CEP63: variants seen among roughly 807,000 people sequenced by gnomAD.
CEP63 encodes the protein centrosomal protein of 63 kDa.
A neutral mutation model predicts 89.1 loss-of-function variants in CEP63; 84 were observed. The ratio of observed to expected loss-of-function variants is 0.94; its 90% CI spans 0.79 to 1.13. The LOEUF (loss-of-function observed/expected upper bound fraction) is 1.13. Among genes scored for constraint, CEP63 ranks in the 50% most tolerant of loss-of-function variants. CEP63 has a pLI of 0.00. For synonymous variants in CEP63, 267 were observed against 272.5 expected (o/e 0.98, Z 0.20); for missense variants, 838 against 813.3 (o/e 1.03, Z -0.37).
At chr3:134,727,543 C>T in the CEP63 span, among the ~76,000 whole-genome samples, 1 of 152,090 alleles carries the variant, frequency 6.6e-6, no homozygotes, top group African/African-American at 2.4e-5. Context: ...AGGATAAAGG[C>T]CACATTTTGT....
Position 134,500,178 on chromosome 3 carries a change from A to C in CEP63, c.44+4814A>C, listed in dbSNP as rs541100006. ...TACTCAATGTTTAGCTTCCACTTGCAAATGAAAACATGCAGTATTTGGTTC... is the reference window on the plus strand; with the variant it reads ...TACTCAATGTTTAGCTTCCACTTGCCAATGAAAACATGCAGTATTTGGTTC... On this transcript the variant is annotated intron_variant, in intron 2 of 14. Transcript: ENST00000675561. Among the ~76,000 whole-genome samples the C allele has an allele frequency of 3.3e-5, 5 of 152,306 alleles. No individual in the cohort carries two copies. The East Asian group carries it at 9.6e-4, about 29-fold the overall frequency.
the CEP63 span, among the ~76,000 whole-genome samples, chr3:134,689,445 A>ATT: frequency 9.8e-6 from 1 of 102,082 alleles, no homozygotes; most frequent in Admixed American, 9.8e-5. Context: ...GACCTTATTT[A>ATT]TTATTATTAT....
the CEP63 span, among the ~76,000 whole-genome samples, chr3:134,776,629 A>G: frequency 6.6e-6 from 1 of 152,158 alleles, no homozygotes; most frequent in Admixed American, 6.5e-5. Flanking sequence ...TGAAGCCAGG[A>G]GTACACGCTC....
chr3:134,516,627 T>A (rs1326122871), intron 3 of CEP63, among the ~76,000 whole-genome samples: 1 of 152,134 alleles, frequency 6.6e-6, no homozygotes. Context: ...TACTTGAGAT[T>A]AGGGAGTGGT....
chr3:134,528,569 C>CGTGTGT (rs34415967), intron 3 of CEP63, among the ~76,000 whole-genome samples: 29,473 of 146,946 alleles, frequency 0.2, 3,230 homozygotes, highest in African/African-American at 0.29. Flanking sequence ...TGTGTGTGTG[C>CGTGTGT]GTGTGTGTGT....
chr3:134,558,927 CT>C (rs1168078066), intron 13 of CEP63, among the ~76,000 whole-genome samples: 8 of 152,128 alleles, frequency 5.3e-5, no homozygotes, highest in Non-Finnish European at 1.2e-4. Context: ...GTTTGTCTTT[CT>C]TGCTATACCA....
chr3:134,738,555 G>A, the CEP63 span, among the ~76,000 whole-genome samples: 1 of 152,222 alleles, frequency 6.6e-6, no homozygotes, highest in Non-Finnish European at 1.5e-5. Flanking sequence ...ACTGATATGT[G>A]GGAGTTAAGC....
chr3:134,649,520 T>C, the CEP63 span, among the ~76,000 whole-genome samples: 1 of 152,338 alleles, frequency 6.6e-6, no homozygotes, highest in African/African-American at 2.4e-5. Flanking sequence ...AAGAAGTTGA[T>C]GCCCTCTGTT....
chr3:134,610,310 A>G, the CEP63 span: 4 of 1,613,666 alleles, frequency 2.5e-6, no homozygotes, highest in African/African-American at 5.3e-5. Context: ...AACTCCCCCG[A>G]GAAGCTCTGC....
chr3:134,489,000 G>GC (rs1936697008), intron 1 of CEP63, among the ~76,000 whole-genome samples: 1 of 151,598 alleles, frequency 6.6e-6, no homozygotes, highest in Non-Finnish European at 1.5e-5. Context: ...TACTAAAAAT[G>GC]AAAAATTAGC....
chr3:134,548,870 T>G (rs976139619), intron 9 of CEP63, among the ~76,000 whole-genome samples, 192 bp from the exon 10 acceptor site: 2 of 152,236 alleles, frequency 1.3e-5, no homozygotes, highest in African/African-American at 4.8e-5. Context: ...ATTTTTGACG[T>G]TGGGACAACA....
chr3:134,779,059 C>T, the CEP63 span, among the ~76,000 whole-genome samples: 2 of 152,112 alleles, frequency 1.3e-5, no homozygotes, highest in Admixed American at 1.3e-4. Context: ...TTTTGCTATC[C>T]ATATCTTTGT....
At chr3:134,575,110 T>A, downstream of CEP63, 1 of 351,392 alleles carries the variant, frequency 2.8e-6, no homozygotes, top group Non-Finnish European at 5.1e-6. Context: ...AAGCTTAAGA[T>A]AACTCCTTCC....
chr3:134,579,285 G>C (rs1264112142), downstream of CEP63, among the ~76,000 whole-genome samples: 1 of 151,776 alleles, frequency 6.6e-6, no homozygotes, highest in Non-Finnish European at 1.5e-5. Context: ...ATGCAGAGCT[G>C]GTTTTTGCAC....
At chr3:134,778,844 G>A in the CEP63 span, among the ~76,000 whole-genome samples, 12 of 152,330 alleles carry the variant, frequency 7.9e-5, no homozygotes, top group African/African-American at 2.4e-5. Flanking sequence ...ACAGGCGTGA[G>A]CCACCGCGCG....
the CEP63 span, among the ~76,000 whole-genome samples, chr3:134,745,369 T>A: frequency 6.6e-6 from 1 of 152,230 alleles, no homozygotes; most frequent in South Asian, 2.1e-4. Flanking sequence ...TGTATGATTA[T>A]CTGAAATTTC....
chr3:134,581,954 C>T (rs902497976), intron 10 of CEP63, among the ~76,000 whole-genome samples: 128 of 151,956 alleles, frequency 8.4e-4, no homozygotes, highest in African/African-American at 2.9e-3. Context: ...GGATTACAGG[C>T]GTGAGCCACC....
the CEP63 span, among the ~76,000 whole-genome samples, chr3:134,705,864 T>A: frequency 3.6e-4 from 55 of 152,336 alleles, no homozygotes; most frequent in African/African-American, 1.1e-3. Context: ...ATGATTTTGA[T>A]TGTGTTGAAG....
chr3:134,772,244 A>G, the CEP63 span, among the ~76,000 whole-genome samples: 1 of 145,554 alleles, frequency 6.9e-6, no homozygotes, highest in Non-Finnish European at 1.5e-5. Flanking sequence ...TGGATGGGAG[A>G]AACCTGACCC....
Sources: allele counts gnomAD v4.1 joint callset (sites outside exome capture counted in the v4.1 genomes callset), GRCh38; gene constraint gnomAD v4.1.1; transcripts MANE v1.5; gene names NCBI Gene and HGNC (gene_info 2026-07-23, HGNC 2026-07-21).